TAFA1: variants seen among roughly 807,000 people sequenced by gnomAD.
TAFA1 encodes the protein TAFA chemokine like family member 1, also known as chemokine-like protein TAFA-1.
Under a neutral mutation model 18.5 loss-of-function variants are expected in TAFA1, and 4 were observed. The observed-to-expected ratio is 0.22, with a 90% CI of 0.11 to 0.49. The LOEUF (loss-of-function observed/expected upper bound fraction) is 0.49, where lower values mean the gene tolerates loss of function less well. Among genes scored for constraint, TAFA1 ranks in the 20% least tolerant of loss-of-function variants. TAFA1 has a pLI of 0.98. For synonymous variants in TAFA1, 56 were observed against 55.2 expected (o/e 1.01, Z -0.06); for missense variants, 147 against 169.0 (o/e 0.87, Z 0.72).
intron 3 of TAFA1, among the ~76,000 whole-genome samples, chr3:68,528,979 C>T (rs1269291531): frequency 6.6e-6 from 1 of 152,082 alleles, no homozygotes; most frequent in South Asian, 2.1e-4. Flanking sequence ...TGTACTTTCT[C>T]ATGTAATCCT....
chr3:68,054,282 G>A (rs1258449895), intron 2 of TAFA1, among the ~76,000 whole-genome samples: 2 of 152,052 alleles, frequency 1.3e-5, no homozygotes, highest in Non-Finnish European at 2.9e-5. Flanking sequence ...CAGGGGAGTA[G>A]GGAGGGTAGT....
intron 2 of TAFA1, among the ~76,000 whole-genome samples, chr3:68,387,462 TA>T (rs1417571364): frequency 2.6e-5 from 4 of 152,192 alleles, no homozygotes; most frequent in African/African-American, 7.2e-5. Flanking sequence ...AGGCGATTTT[TA>T]TTCATGCTAT....
intron 2 of TAFA1, among the ~76,000 whole-genome samples, chr3:68,394,783 T>G (rs886359801): frequency 1.3e-5 from 2 of 152,166 alleles, no homozygotes; most frequent in Non-Finnish European, 2.9e-5. Flanking sequence ...CCTTACACTT[T>G]ATACAAAAAA....
At chr3:68,335,434 A>G (rs889185921) in intron 2 of TAFA1, among the ~76,000 whole-genome samples, 5 of 151,524 alleles carry the variant, frequency 3.3e-5, no homozygotes, top group Admixed American at 1.3e-4. Flanking sequence ...ACAGAGATCA[A>G]CTTTTCCATA....
chr3:68,025,439 A>T, intron 2 of TAFA1, among the ~76,000 whole-genome samples: 1 of 152,264 alleles, frequency 6.6e-6, no homozygotes, highest in East Asian at 1.9e-4. Context: ...TTTTTCACAC[A>T]GCAGGCAGAT....
At chr3:68,424,213 A>G (rs2071012409) in intron 3 of TAFA1, among the ~76,000 whole-genome samples, 1 of 152,064 alleles carries the variant, frequency 6.6e-6, no homozygotes, top group African/African-American at 2.4e-5. Context: ...TGCAAATGAG[A>G]CAGAGAAGAC....
intron 2 of TAFA1, among the ~76,000 whole-genome samples, chr3:68,162,216 C>A (rs1266658983): frequency 6.6e-6 from 1 of 152,126 alleles, no homozygotes; most frequent in Non-Finnish European, 1.5e-5. Context: ...TCTCAGTGGT[C>A]TAGACCAGTG....
chr3:68,017,952 G>A (rs774019940), intron 2 of TAFA1, among the ~76,000 whole-genome samples: 1 of 139,458 alleles, frequency 7.2e-6, no homozygotes, highest in Non-Finnish European at 1.5e-5. Context: ...GACTTTGAAG[G>A]TTGGGTAGGA....
At chr3:68,263,446 T>TACACACACGC (rs1553662903) in intron 2 of TAFA1, among the ~76,000 whole-genome samples, 7 of 137,686 alleles carry the variant, frequency 5.1e-5, no homozygotes, top group East Asian at 2.3e-4. Context: ...CACACACACA[T>TACACACACGC]ACACACACAC....
intron 2 of TAFA1, among the ~76,000 whole-genome samples, chr3:68,271,277 C>T (rs1458396230): frequency 6.6e-6 from 1 of 152,050 alleles, no homozygotes; most frequent in Non-Finnish European, 1.5e-5. Flanking sequence ...ACAAAACACC[C>T]AACTCCTGCT....
intron 3 of TAFA1, among the ~76,000 whole-genome samples, chr3:68,527,924 G>A (rs979361102): frequency 3.9e-5 from 6 of 151,960 alleles, no homozygotes; most frequent in Non-Finnish European, 5.9e-5. Flanking sequence ...TTGTCTGTTC[G>A]AAAAGCACTA....
intron 3 of TAFA1, among the ~76,000 whole-genome samples, chr3:68,437,140 A>G (rs1057071554): frequency 1.3e-5 from 2 of 152,310 alleles, no homozygotes; most frequent in Middle Eastern, 3.4e-3. Flanking sequence ...TCCTATAAAT[A>G]TGCCACCAAT....
intron 2 of TAFA1, among the ~76,000 whole-genome samples, chr3:68,275,482 G>T (rs1435735095): frequency 6.7e-6 from 1 of 150,310 alleles, no homozygotes; most frequent in African/African-American, 2.4e-5. Flanking sequence ...GATCATCCAA[G>T]GCCTTGTAAG....
chr3:68,056,873 G>A (rs2064543222), intron 2 of TAFA1, among the ~76,000 whole-genome samples: 1 of 152,164 alleles, frequency 6.6e-6, no homozygotes, highest in African/African-American at 2.4e-5. Flanking sequence ...GAGACTCTGA[G>A]GGGTCTGGAT....
At chr3:68,339,577 G>T (rs1052729958) in intron 2 of TAFA1, among the ~76,000 whole-genome samples, 19 of 152,098 alleles carry the variant, frequency 1.2e-4, no homozygotes, top group African/African-American at 4.3e-4. Context: ...TGCTTTATTT[G>T]GTAGAGCTGT....
intron 2 of TAFA1, among the ~76,000 whole-genome samples, chr3:68,287,561 C>T (rs2068031677): frequency 6.6e-6 from 1 of 152,144 alleles, no homozygotes; most frequent in African/African-American, 2.4e-5. Flanking sequence ...ATCTGGCACC[C>T]TGTGAGAACC....
At chr3:68,500,676 G>T (rs2072641343) in intron 3 of TAFA1, among the ~76,000 whole-genome samples, 1 of 149,802 alleles carries the variant, frequency 6.7e-6, no homozygotes, top group Non-Finnish European at 1.5e-5. Flanking sequence ...TGACGTACAA[G>T]GCTGAAATAT....
At chr3:67,997,125 T>A in the TAFA1 span, among the ~76,000 whole-genome samples, 1 of 152,072 alleles carries the variant, frequency 6.6e-6, no homozygotes, top group Non-Finnish European at 1.5e-5. Context: ...GAGCAAGGAT[T>A]TTTCAAATAG....
At chr3:68,034,848 G>A (rs1705011671) in intron 2 of TAFA1, among the ~76,000 whole-genome samples, 1 of 152,102 alleles carries the variant, frequency 6.6e-6, no homozygotes, top group South Asian at 2.1e-4. Context: ...TTAGAAAGGG[G>A]AAATTTTAAA....
Sources: allele counts gnomAD v4.1 joint callset (sites outside exome capture counted in the v4.1 genomes callset), GRCh38; gene constraint gnomAD v4.1.1; transcripts MANE v1.5; gene names NCBI Gene and HGNC (gene_info 2026-07-23, HGNC 2026-07-21).